The following CCDC88C variants were observed in gnomAD, a reference collection of about 807,000 sequenced individuals.
CCDC88C encodes the protein protein Daple.
Under a neutral mutation model 198.8 loss-of-function variants are expected in CCDC88C, and 131 were observed. That is an observed-to-expected ratio of 0.66 (90% confidence interval 0.57 to 0.76). The LOEUF (loss-of-function observed/expected upper bound fraction) is 0.76, where lower values mean the gene tolerates loss of function less well. CCDC88C is among the 30% of genes least tolerant of loss of function. CCDC88C has a pLI of 0.00. For missense variants in CCDC88C, 2,553 were observed against 2,631.6 expected (o/e 0.97, Z 0.65); for synonymous variants, 1,166 against 1,114.7 (o/e 1.05, Z -0.92).
rs569185415 is a variant in CCDC88C, at chr14:91,396,955, G to A, written c.270+11704C>T. Reference sequence around the variant, plus strand: ...GTCAAGGTCGAGGCTGCAGTAAGCCGTGATCGCACCACTGCACTCCAGCCT... The same window carrying A: ...GTCAAGGTCGAGGCTGCAGTAAGCCATGATCGCACCACTGCACTCCAGCCT... On this transcript the variant is annotated intron_variant, in intron 3 of 29. Transcript: ENST00000389857. 4.6e-5 allele frequency among the ~76,000 whole-genome samples: 7 copies of A among 152,006 alleles called. No homozygotes were observed. In the East Asian group the frequency reaches 7.7e-4, roughly 17 times the overall value.
intron 26 of CCDC88C, among the ~76,000 whole-genome samples, chr14:91,281,880 C>T (rs1357430458): frequency 2.0e-5 from 3 of 152,088 alleles, no homozygotes; most frequent in South Asian, 4.1e-4. Context: ...GAGAGCAATT[C>T]GCTTTCAGCA....
rs544273402 is a variant in CCDC88C at position 91,301,147 on chromosome 14, A to C, written c.3636-1077T>G. Among the ~76,000 whole-genome samples, 291 of 152,356 alleles carry C rather than the reference A, an allele frequency of 1.9e-3. 1 individual carries two copies. The highest frequency in any genetic ancestry group is 6.7e-3 in the African/African-American group (279 of 41,592). ...ACTGAATCCCCGTGTGAGGAATGAC[A>C]CGTAGTGAATGCTTGTTAGAGCAAT... On this transcript the variant is annotated intron_variant, in intron 20 of 29. Transcript: ENST00000389857.
At chr14:91,387,668 G>A (rs1182649282) in intron 3 of CCDC88C, among the ~76,000 whole-genome samples, 3 of 152,184 alleles carry the variant, frequency 2.0e-5, no homozygotes, top group Non-Finnish European at 2.9e-5. Context: ...GCCAGCTGTC[G>A]CCACTCCAGG....
intron 3 of CCDC88C, among the ~76,000 whole-genome samples, chr14:91,401,787 TTACTCCTAAA>T (rs1712026382): frequency 6.6e-6 from 1 of 152,228 alleles, no homozygotes; most frequent in Non-Finnish European, 1.5e-5. Flanking sequence ...CAACGTATTA[TTACTCCTAAA>T]GCAAATGCCT....
Position 91,320,981 on chromosome 14 carries a change from C to A in CCDC88C, c.1527+139G>T, listed in dbSNP as rs1892331060. 4 of 778,386 alleles carry A rather than the reference C, an allele frequency of 5.1e-6. No homozygotes were observed. In the African/African-American group the frequency reaches 5.2e-5, roughly 10 times the overall value. The allele number at this position is 778,386 out of a possible 1,614,324, so 48.2% of individuals were successfully genotyped here. On this transcript the variant is annotated intron_variant, in intron 13 of 29. Coordinates refer to ENST00000389857, the MANE Select transcript of CCDC88C (RefSeq NM_001080414.4). ...CCTATTATAATCAGCGGTGACTGCG[C>A]CTGGATTCTGTCCACTGCCTGACAC...
At chr14:91,304,187 C>T (rs117578264) in intron 19 of CCDC88C, among the ~76,000 whole-genome samples, 275 of 152,356 alleles carry the variant, frequency 1.8e-3, no homozygotes, top group Non-Finnish European at 3.1e-3. Context: ...GAGGGTACTT[C>T]AGTCCTGAGC....
chr14:91,359,442 G>A (rs991796681), intron 4 of CCDC88C, among the ~76,000 whole-genome samples, 200 bp downstream of exon 4: 4 of 152,198 alleles, frequency 2.6e-5, no homozygotes, highest in African/African-American at 9.7e-5. Context: ...CGGCCTGGGA[G>A]GCTTCATTCT....
In CCDC88C at chr14:91,381,041, C is replaced by T. The variant is rs1210549990; in HGVS notation, c.271-21330G>A. Among the ~76,000 whole-genome samples, 1 of 152,214 alleles carries T rather than the reference C, an allele frequency of 6.6e-6. No homozygotes were observed. Among genetic ancestry groups the T allele is most frequent in the Admixed American group, 6.5e-5 (1 of 15,286 alleles). ...CCCTTCCTGCAAGAAAAATGGACCA[C>T]AAACAGGGCTGTGAAGCAGTGTGTG... is the stretch of plus-strand genomic sequence containing the variant. On this transcript the variant is annotated intron_variant, in intron 3 of 29. Coordinates refer to ENST00000389857, the MANE Select transcript of CCDC88C (RefSeq NM_001080414.4). The surrounding 1 kb of genome is among the most constrained non-coding windows in gnomAD (Gnocchi z 4.2).
rs1772862324 is a variant in CCDC88C, at chr14:91,288,129, AAGAGCG to A, written c.4441+970_4441+975del. On this transcript the variant is annotated intron_variant, in intron 25 of 29. Coordinates refer to ENST00000389857, the MANE Select transcript of CCDC88C (RefSeq NM_001080414.4). This position sits in a 1 kb window ranked among gnomAD's most constrained non-coding sequence, Gnocchi z 4.2. Reference sequence around the variant, plus strand: ...TCTTATTTAGAAAAGCTCTTTCAACAAGAGCGTAAGAAAAATTCGAAGTGGTGGCCC... The same window carrying A: ...TCTTATTTAGAAAAGCTCTTTCAACATAAGAAAAATTCGAAGTGGTGGCCC... 6.6e-6 allele frequency among the ~76,000 whole-genome samples: 1 copy of A among 152,232 alleles called. No homozygotes were observed. Among genetic ancestry groups the A allele is most frequent in the South Asian group, 2.1e-4 (1 of 4,828 alleles).
chr14:91,343,535 C>A (rs1567088542), intron 5 of CCDC88C, 64 bp downstream of exon 5: 1 of 1,603,136 alleles, frequency 6.2e-7, no homozygotes. Context: ...TCGGTCAAGT[C>A]CCGCAAACCC....
chr14:91,332,995 G>A (rs375924662), intron 10 of CCDC88C, among the ~76,000 whole-genome samples: 4 of 152,154 alleles, frequency 2.6e-5, no homozygotes, highest in South Asian at 2.1e-4. Context: ...GAAGAGCCTC[G>A]GGCGGGGGTC....
At chr14:91,355,053 C>T (rs911762640) in intron 4 of CCDC88C, among the ~76,000 whole-genome samples, 4 of 152,108 alleles carry the variant, frequency 2.6e-5, no homozygotes, top group Admixed American at 2.6e-4. Flanking sequence ...GTGCCCGGAG[C>T]GGGCTGCAAA....
Position 91,376,469 on chromosome 14 carries a change from C to CCACA in CCDC88C, c.271-16762_271-16759dup, listed in dbSNP as rs140309056. Among the ~76,000 whole-genome samples the CCACA allele has an allele frequency of 1.5e-3, 228 of 152,346 alleles. 1 individual carries two copies. Among genetic ancestry groups the CCACA allele is most frequent in the African/African-American group, 5.1e-3 (212 of 41,570 alleles). ...AGATAGGACCCCTGCCCCCCAGGAA[C>CCACA]CACAGTCAAGGTAGTGAGGGACTTT... On this transcript the variant is annotated intron_variant, in intron 3 of 29. Coordinates refer to ENST00000389857, the MANE Select transcript of CCDC88C (RefSeq NM_001080414.4).
intron 26 of CCDC88C, among the ~76,000 whole-genome samples, chr14:91,281,916 GGAA>G (rs1700269304): frequency 1.3e-5 from 2 of 152,310 alleles, no homozygotes; most frequent in South Asian, 4.1e-4. Flanking sequence ...GGTGGTAGGA[GGAA>G]GAAGGAAGAA....
Position 91,303,781 on chromosome 14 carries a change from G to C in CCDC88C, c.3555C>G (p.Tyr1185Ter). Residue 1185 changes from tyrosine (Y) to a stop codon, truncating the protein, a stop_gained, in exon 20 of 30, where the codon TAC (tyrosine) becomes TAG (stop). Transcript: ENST00000389857. LOFTEE classifies it high-confidence loss of function. ...AGCTGTGCTGGCGGATGAGGGCCTC[G>C]TACTCGGCCGATTGCCGCTCGTGCA... ...GTLHERQSAE[Y>*]EALIRQHSCL... 2 of 1,613,390 alleles carry C rather than the reference G, an allele frequency of 1.2e-6. No individual in the cohort carries two copies. The highest frequency in any genetic ancestry group is 1.7e-6 in the Non-Finnish European group (2 of 1,179,846).
chr14:91,390,457 T>C (rs1251920707), intron 3 of CCDC88C, among the ~76,000 whole-genome samples: 3 of 152,178 alleles, frequency 2.0e-5, no homozygotes, highest in African/African-American at 7.2e-5. Flanking sequence ...CAAGCTGGCA[T>C]CTCAGAGGCG....
chr14:91,333,551 GCA>G (rs1040313863), intron 10 of CCDC88C, among the ~76,000 whole-genome samples: 10 of 152,356 alleles, frequency 6.6e-5, no homozygotes, highest in African/African-American at 2.4e-4. Context: ...GATGCTGTGT[GCA>G]CACACAGGAC....
At chr14:91,308,241 G>T in intron 17 of CCDC88C, 110 bp downstream of exon 17, 2 of 1,287,372 alleles carry the variant, frequency 1.6e-6, no homozygotes, top group Non-Finnish European at 2.1e-6. Flanking sequence ...ATCTACCCCT[G>T]CCCTAGAAAA....
chr14:91,392,338 C>A (rs1346914180), intron 3 of CCDC88C, among the ~76,000 whole-genome samples: 1 of 152,098 alleles, frequency 6.6e-6, no homozygotes, highest in African/African-American at 2.4e-5. Context: ...TCCAGGAAAC[C>A]TAGAGGTGGG....
Sources: allele counts gnomAD v4.1 joint callset (sites outside exome capture counted in the v4.1 genomes callset), GRCh38; gene constraint gnomAD v4.1.1; non-coding constraint Gnocchi (gnomAD v3.1); transcripts MANE v1.5; gene names NCBI Gene and HGNC (gene_info 2026-07-23, HGNC 2026-07-21).